Variants in DIAPH2 observed in about 807,000 individuals in gnomAD.
DIAPH2 encodes the protein protein diaphanous homolog 2.
A neutral mutation model predicts 92.7 loss-of-function variants in DIAPH2; 35 were observed. That is an observed-to-expected ratio of 0.38 (90% CI 0.29 to 0.50). The LOEUF (loss-of-function observed/expected upper bound fraction) is 0.50, where lower values mean the gene tolerates loss of function less well. Ranked by LOEUF, DIAPH2 falls within the 20% of genes least tolerant of loss-of-function variation. The probability of loss-of-function intolerance (pLI) is 0.94; values close to 1 mark genes in which losing one functional copy is unlikely to be tolerated. For synonymous variants in DIAPH2, 301 were observed against 280.4 expected, an observed-to-expected ratio of 1.07 and a Z score of -0.73; for missense variants, 701 against 819.5, an observed-to-expected ratio of 0.86 and a Z score of 1.77.
chrX:96,873,647 T>TACACACACAC (rs3082738), intron 4 of DIAPH2, among the ~76,000 whole-genome samples: 6 of 95,890 alleles, frequency 6.3e-5, no homozygotes, highest in African/African-American at 1.9e-4. Flanking sequence ...CGTATATATA[T>TACACACACAC]ACACACACAC....
intron 26 of DIAPH2, among the ~76,000 whole-genome samples, chrX:97,492,793 C>T (rs1277461649): frequency 8.9e-6 from 1 of 111,933 alleles, no homozygotes; most frequent in Non-Finnish European, 1.9e-5. Context: ...CTTTACATCA[C>T]GAGTCACTTT....
rs769444401 is a variant in DIAPH2 at position 96,714,548 on chromosome X, G to A, written c.133-21210G>A. Among the ~76,000 whole-genome samples, 5 of 111,689 alleles carry A rather than the reference G, an allele frequency of 4.5e-5. No homozygotes were observed. In the South Asian group the frequency reaches 1.8e-3, roughly 41 times the overall value. On this transcript the variant is annotated intron_variant, in intron 1 of 26. Transcript: ENST00000324765. The stretch of plus-strand genomic sequence containing the variant: ...CAAAGTGCTGGGATTACAGGCATGA[G>A]CCATCGCGCCTGGCCTGTGTGTAAT...
At chrX:97,071,738 C>A (rs1349653303) in intron 17 of DIAPH2, among the ~76,000 whole-genome samples, 1 of 111,876 alleles carries the variant, frequency 8.9e-6, no homozygotes, top group Non-Finnish European at 1.9e-5. Context: ...CATCTATGAA[C>A]ATATTGCCTA....
chrX:96,941,082 T>A (rs912457567), intron 12 of DIAPH2, among the ~76,000 whole-genome samples: 1 of 111,948 alleles, frequency 8.9e-6, no homozygotes, highest in Non-Finnish European at 1.9e-5. Flanking sequence ...GTATTACTAT[T>A]TATTCTTATT....
At chrX:97,136,275 A>T (rs966256928) in intron 21 of DIAPH2, among the ~76,000 whole-genome samples, 3 of 111,797 alleles carry the variant, frequency 2.7e-5, no homozygotes, top group African/African-American at 9.7e-5. Context: ...CCATGATAAC[A>T]TGCTATCTTA....
chrX:96,844,691 A>G (rs779648236), intron 4 of DIAPH2, among the ~76,000 whole-genome samples: 1 of 112,315 alleles, frequency 8.9e-6, no homozygotes, highest in African/African-American at 3.2e-5. Flanking sequence ...TCCGTTTCAT[A>G]TATTTTTGTG....
chrX:97,579,244 C>G (rs763576924), intron 26 of DIAPH2, among the ~76,000 whole-genome samples: 32 of 108,763 alleles, frequency 2.9e-4, no homozygotes, highest in African/African-American at 1.0e-3. Flanking sequence ...GAAGTCCTTG[C>G]CCATGCCTAT....
At chrX:97,168,525 C>G in intron 22 of DIAPH2, among the ~76,000 whole-genome samples, 1 of 111,263 alleles carries the variant, frequency 9.0e-6, no homozygotes, top group East Asian at 2.8e-4. Flanking sequence ...TGATTACCTA[C>G]TACTATCAGA....
intron 21 of DIAPH2, among the ~76,000 whole-genome samples, chrX:97,131,547 T>C (rs2067138413): frequency 1.8e-5 from 2 of 111,575 alleles, no homozygotes; most frequent in South Asian, 7.5e-4. Flanking sequence ...TCTGAAGCTA[T>C]GTACATAAAA....
chrX:97,591,273 A>G lies in DIAPH2; in HGVS notation c.3242-7980A>G, dbSNP rs142324373. 8.0e-3 allele frequency among the ~76,000 whole-genome samples: 893 copies of G among 111,860 alleles called. 7 individuals carry two copies. The highest frequency in any genetic ancestry group is 0.027 in the African/African-American group (830 of 30,784). On this transcript the variant is annotated intron_variant, in intron 26 of 26. Coordinates refer to ENST00000324765, the MANE Select transcript of DIAPH2 (RefSeq NM_006729.5). ...AGGGATATGATTTTTCTCCACTTTG[A>G]ACCTCCATTGTACTTAAAATGTAAT...
chrX:96,710,941 G>A (rs777845636), intron 1 of DIAPH2, among the ~76,000 whole-genome samples: 30 of 111,575 alleles, frequency 2.7e-4, no homozygotes, highest in Admixed American at 4.8e-4. Flanking sequence ...ATGATGTTTG[G>A]TTTTACATTG....
chrX:97,106,490 C>T (rs1482889676), intron 20 of DIAPH2, among the ~76,000 whole-genome samples: 1 of 111,855 alleles, frequency 8.9e-6, no homozygotes, highest in Non-Finnish European at 1.9e-5. Flanking sequence ...TAAAATAAAA[C>T]CACCTGAAAA....
intron 26 of DIAPH2, among the ~76,000 whole-genome samples, chrX:97,440,792 CAT>C (rs1196414854): frequency 9.2e-6 from 1 of 109,286 alleles, no homozygotes; most frequent in East Asian, 2.9e-4. Context: ...ACTCAAATGA[CAT>C]AGAGTGTGGA....
intron 26 of DIAPH2, among the ~76,000 whole-genome samples, chrX:97,503,664 A>G (rs748735538): frequency 6.0e-4 from 67 of 112,072 alleles, no homozygotes; most frequent in South Asian, 1.1e-3. Flanking sequence ...AATTCCCTAA[A>G]TGGGGAAAAG....
rs143236102 is a variant in DIAPH2, at chrX:97,418,912, G to A, written c.3146-10738G>A. Among the ~76,000 whole-genome samples, 332 of 111,358 alleles carry A rather than the reference G, an allele frequency of 3.0e-3. 1 individual carries two copies. Among genetic ancestry groups the A allele is most frequent in the African/African-American group, 8.8e-3 (268 of 30,607 alleles). ...TGCTTCATTATCTTGTGTCATTCTTGGCTTTGGCTCTCCAAAATTGCTCTC... is the reference window on the plus strand; with the variant it reads ...TGCTTCATTATCTTGTGTCATTCTTAGCTTTGGCTCTCCAAAATTGCTCTC... On this transcript the variant is annotated intron_variant, in intron 25 of 26. Transcript: ENST00000324765.
intron 26 of DIAPH2, among the ~76,000 whole-genome samples, chrX:97,585,435 T>C (rs1177803128): frequency 9.0e-6 from 1 of 110,867 alleles, no homozygotes; most frequent in Non-Finnish European, 1.9e-5. Flanking sequence ...ACTGGCTTAC[T>C]GCCCTATTGA....
chrX:96,950,729 T>C (rs1418817553), intron 15 of DIAPH2, among the ~76,000 whole-genome samples: 1 of 111,815 alleles, frequency 8.9e-6, no homozygotes, highest in Non-Finnish European at 1.9e-5. Flanking sequence ...TTTAATATGT[T>C]CACTTGTTGC....
intron 22 of DIAPH2, among the ~76,000 whole-genome samples, chrX:97,160,231 C>G (rs1172401466): frequency 9.0e-6 from 1 of 111,361 alleles, no homozygotes; most frequent in Non-Finnish European, 1.9e-5. Context: ...AGCTTGATTC[C>G]CTAGTTTTGT....
At chrX:97,216,783 G>A (rs965593749) in intron 22 of DIAPH2, among the ~76,000 whole-genome samples, 1 of 111,893 alleles carries the variant, frequency 8.9e-6, no homozygotes, top group Non-Finnish European at 1.9e-5. Context: ...AATACTCCTA[G>A]TGGGGGCAAC....
Sources: gnomAD v4.1 joint callset for allele counts (sites outside exome capture counted in the v4.1 genomes callset) on GRCh38, gnomAD v4.1.1 for gene constraint, MANE v1.5 for transcripts, NCBI Gene and HGNC (gene_info 2026-07-23, HGNC 2026-07-21) for gene names.